The following SSPN variants were observed in gnomAD, a reference collection of about 807,000 sequenced individuals.
The protein encoded by SSPN is K-ras oncogene-associated protein.
A neutral mutation model predicts 19.1 loss-of-function variants in SSPN; 15 were observed. The observed-to-expected ratio is 0.78, with a 90% CI of 0.52 to 1.21. SSPN has a LOEUF of 1.21. Ranked by LOEUF, SSPN falls within the 50% of genes most tolerant of loss-of-function variation. The pLI is 0.00. For synonymous variants in SSPN, 147 were observed against 140.3 expected (o/e 1.05, Z -0.34); for missense variants, 291 against 314.0 (o/e 0.93, Z 0.55).
At chr12:26,182,246 G>A (rs1052388533) in intron 1 of SSPN, among the ~76,000 whole-genome samples, 1 of 152,152 alleles carries the variant, frequency 6.6e-6, no homozygotes, top group African/African-American at 2.4e-5. Context: ...TTCCATAGAG[G>A]TGTACTGAGC....
At chr12:26,197,420 A>C (rs1944839704) in intron 1 of SSPN, among the ~76,000 whole-genome samples, 1 of 152,204 alleles carries the variant, frequency 6.6e-6, no homozygotes, top group African/African-American at 2.4e-5. Flanking sequence ...TATTTCAGGC[A>C]CCTCAATGAC....
chr12:26,178,331 T>A (rs1488059934), intron 1 of SSPN, among the ~76,000 whole-genome samples: 3 of 151,786 alleles, frequency 2.0e-5, no homozygotes, highest in African/African-American at 7.3e-5. Flanking sequence ...ATAGTGTTAT[T>A]ATAAGGACTA....
chr12:26,160,219 A>G (rs1178490303), intron 1 of SSPN, among the ~76,000 whole-genome samples: 1 of 152,230 alleles, frequency 6.6e-6, no homozygotes, highest in Non-Finnish European at 1.5e-5. Flanking sequence ...CCAATAACAT[A>G]GGGTGACTCT....
chr12:26,152,712 T>G (rs1432539803), intron 1 of SSPN, among the ~76,000 whole-genome samples: 1 of 152,156 alleles, frequency 6.6e-6, no homozygotes, highest in African/African-American at 2.4e-5. Flanking sequence ...TGTCTCATAG[T>G]CCACTCTCCA....
rs1944343721 is a variant in SSPN, at chr12:26,124,370, CCT to C, written c.-31+2219_-31+2220del. 22 of 915,366 alleles carry C rather than the reference CCT, an allele frequency of 2.4e-5. No individual in the cohort carries two copies. In the South Asian group the frequency reaches 2.6e-4, roughly 11 times the overall value. The allele number at this position is 915,366 out of a possible 1,614,324, so 56.7% of individuals were successfully genotyped here. A position where few individuals can be genotyped will look rare whatever the true frequency, so the allele number is the denominator to read the frequency against. Reference sequence around the variant, plus strand: ...ATTCAGGTATGATGTTTAATATCCCCCTGAGAGTACCCAGCAAGCCACTTAAA... The same window carrying C: ...ATTCAGGTATGATGTTTAATATCCCCGAGAGTACCCAGCAAGCCACTTAAA... On this transcript the variant is annotated intron_variant, in intron 1 of 2. Coordinates refer to the SSPN transcript ENST00000538142.
intron 1 of SSPN, among the ~76,000 whole-genome samples, chr12:26,216,699 T>C (rs1945054730): frequency 8.9e-6 from 1 of 111,770 alleles, no homozygotes; most frequent in African/African-American, 3.5e-5. Flanking sequence ...AGGGTTTTTA[T>C]GGTTTTAGGT....
intron 1 of SSPN, chr12:26,124,755 G>A: frequency 6.2e-7 from 1 of 1,614,170 alleles, no homozygotes; most frequent in Non-Finnish European, 8.5e-7. Flanking sequence ...TGTCTCTCTT[G>A]CAAATGAGGA....
chr12:26,233,221 G>T lies in SSPN; in HGVS notation c.*2145G>T, dbSNP rs1470769971. On this transcript the variant is annotated 3_prime_UTR_variant, in exon 3 of 3. Coordinates refer to ENST00000242729, the MANE Select transcript of SSPN (RefSeq NM_005086.5). The surrounding 1 kb of genome is among the most constrained non-coding windows in gnomAD (Gnocchi z 4.3). Reference sequence around the variant, plus strand: ...TCTATGCTTTACCAGTAATTCACAGGGTATTTCAAATGGTAGAATCATTTT... The same window carrying T: ...TCTATGCTTTACCAGTAATTCACAGTGTATTTCAAATGGTAGAATCATTTT... 6.6e-6 allele frequency: 1 copy of T among 151,620 alleles called. No individual in the cohort carries two copies. Among genetic ancestry groups the T allele is most frequent in the Non-Finnish European group, 1.5e-5 (1 of 67,956 alleles). The allele number at this position is 151,620 out of a possible 1,614,324, so 9.4% of individuals were successfully genotyped here.
At chr12:26,175,575 A>G (rs1944678536) in intron 1 of SSPN, among the ~76,000 whole-genome samples, 1 of 152,168 alleles carries the variant, frequency 6.6e-6, no homozygotes, top group Non-Finnish European at 1.5e-5. Context: ...GATAATAGTC[A>G]TATTTATAAT....
chr12:26,226,749 G>C (rs1945180599), intron 2 of SSPN, among the ~76,000 whole-genome samples: 1 of 152,172 alleles, frequency 6.6e-6, no homozygotes, highest in African/African-American at 2.4e-5. Context: ...AAACATTCCA[G>C]GGCACGTTCC....
chr12:26,229,412 A>G (rs527482527), intron 2 of SSPN, among the ~76,000 whole-genome samples: 1 of 152,380 alleles, frequency 6.6e-6, no homozygotes, highest in African/African-American at 2.4e-5. Flanking sequence ...CTCAAGAAAA[A>G]GAAAAAGTAA....
chr12:26,145,849 C>T (rs1016155658), intron 1 of SSPN, among the ~76,000 whole-genome samples: 5 of 152,172 alleles, frequency 3.3e-5, no homozygotes, highest in African/African-American at 1.2e-4. Context: ...ACTCCTCATG[C>T]CCCGTAAACT....
intron 1 of SSPN, among the ~76,000 whole-genome samples, chr12:26,182,012 A>T (rs953479121): frequency 6.6e-6 from 1 of 152,208 alleles, no homozygotes; most frequent in African/African-American, 2.4e-5. Context: ...TATGGGAGCC[A>T]ATAGTATTCT....
chr12:26,122,483 C>G, intron 1 of SSPN: 1 of 1,332,058 alleles, frequency 7.5e-7, no homozygotes, highest in Non-Finnish European at 9.7e-7. Context: ...AGAAGGGGGC[C>G]GCGGCGGCCG....
intron 1 of SSPN, among the ~76,000 whole-genome samples, chr12:26,154,249 G>C (rs1055996730): frequency 6.6e-6 from 1 of 152,130 alleles, no homozygotes; most frequent in African/African-American, 2.4e-5. Context: ...ACTCACCCTC[G>C]GTTGATCTGG....
intron 1 of SSPN, chr12:26,122,314 C>G: frequency 8.6e-7 from 1 of 1,165,248 alleles, no homozygotes; most frequent in Non-Finnish European, 1.1e-6. Flanking sequence ...GCGGCGGCGG[C>G]TGCCGCGGCT....
intron 1 of SSPN, among the ~76,000 whole-genome samples, chr12:26,168,627 G>A (rs1049395013): frequency 6.6e-6 from 1 of 152,308 alleles, no homozygotes; most frequent in East Asian, 1.9e-4. Context: ...AAGAAATAAT[G>A]GAAGACATTG....
At chr12:26,150,542 T>C (rs1944519509) in intron 1 of SSPN, among the ~76,000 whole-genome samples, 1 of 110,718 alleles carries the variant, frequency 9.0e-6, no homozygotes, top group Non-Finnish European at 2.0e-5. Context: ...TTTACAAGTA[T>C]GCTTTTAAAA....
At chr12:26,184,850 A>G (rs1046758161) in intron 1 of SSPN, among the ~76,000 whole-genome samples, 12 of 152,154 alleles carry the variant, frequency 7.9e-5, no homozygotes, top group Non-Finnish European at 1.8e-4. Context: ...TGCTCATGAG[A>G]AGACAACAAA....
Sources: gnomAD v4.1 joint callset for allele counts (sites outside exome capture counted in the v4.1 genomes callset) on GRCh38, gnomAD v4.1.1 for gene constraint, Gnocchi (gnomAD v3.1) non-coding constraint, MANE v1.5 for transcripts, NCBI Gene and HGNC (gene_info 2026-07-23, HGNC 2026-07-21) for gene names.